SNTB1: variants seen among roughly 807,000 people sequenced by gnomAD.
SNTB1 encodes the protein syntrophin beta 1.
SNTB1 carries 36 observed loss-of-function variants against 48.9 expected under a neutral mutation model. That is an observed-to-expected ratio of 0.74 (90% CI 0.56 to 0.97). The LOEUF (loss-of-function observed/expected upper bound fraction) is 0.97. Among genes scored for constraint, SNTB1 ranks in the 50% least tolerant of loss-of-function variants. SNTB1 has a pLI of 0.00. For synonymous variants in SNTB1, 299 were observed against 294.6 expected, an observed-to-expected ratio of 1.01 and a Z score of -0.15; for missense variants, 786 against 703.4, an observed-to-expected ratio of 1.12 and a Z score of -1.33.
In SNTB1 at chr8:120,811,819, C is replaced by T; in HGVS notation, c.25G>A (p.Ala9Thr). 1 of 1,350,648 alleles carries T rather than the reference C, an allele frequency of 7.4e-7. No individual in the cohort carries two copies. Among genetic ancestry groups the T allele is most frequent in the Non-Finnish European group, 9.5e-7 (1 of 1,054,882 alleles). 83.7% of individuals were successfully genotyped at this position (1,350,648 alleles called of 1,614,324 possible). Residue 9 changes from alanine to threonine, a missense_variant, in exon 1 of 7, where the codon GCG becomes ACG. Coordinates refer to ENST00000517992, the MANE Select transcript of SNTB1 (RefSeq NM_021021.4). ...CCTCCCGCGCCAGCCGGCCCAGCCG[C>T]CGCCGCCGCCGCCGCTACCGCCATC... is the stretch of plus-strand genomic sequence containing the variant. Reference protein sequence around the residue: MAVAAAAAAAGPAGAGGGR... With the variant: MAVAAAAATAGPAGAGGGR...
chr8:120,658,661 TA>T (rs1372644430), intron 2 of SNTB1, among the ~76,000 whole-genome samples: 1 of 152,244 alleles, frequency 6.6e-6, no homozygotes, highest in African/African-American at 2.4e-5. Context: ...TAAAAATTGC[TA>T]ATGATCATCT....
At chr8:120,695,678 T>C (rs1818199709) in intron 1 of SNTB1, among the ~76,000 whole-genome samples, 5 of 152,162 alleles carry the variant, frequency 3.3e-5, no homozygotes, top group African/African-American at 1.2e-4. Context: ...CACAAAAATT[T>C]AATTAGCAGT....
At chr8:120,738,545 T>TTTCCTTTC (rs1818988116) in intron 1 of SNTB1, among the ~76,000 whole-genome samples, 1 of 135,728 alleles carries the variant, frequency 7.4e-6, no homozygotes, top group African/African-American at 3.0e-5. Flanking sequence ...TCCTTCCTTC[T>TTTCCTTTC]TTCCTTCCTT....
chr8:120,565,594 G>C (rs1451294740), intron 4 of SNTB1, among the ~76,000 whole-genome samples: 1 of 152,200 alleles, frequency 6.6e-6, no homozygotes, highest in African/African-American at 2.4e-5. Context: ...TAAGTGAAAA[G>C]GAAGGGCAGC....
chr8:120,757,500 G>A (rs1819336718), intron 1 of SNTB1, among the ~76,000 whole-genome samples: 1 of 152,194 alleles, frequency 6.6e-6, no homozygotes, highest in African/African-American at 2.4e-5. Context: ...CATGACAGCT[G>A]CATTTAAACA....
At chr8:120,562,155 C>A (rs759239638) in intron 4 of SNTB1, among the ~76,000 whole-genome samples, 22 of 152,208 alleles carry the variant, frequency 1.4e-4, no homozygotes, top group Middle Eastern at 3.2e-3. Context: ...TTTCTCTGGT[C>A]TTTAACAATT....
At chr8:120,610,223 G>C (rs1215733327) in intron 3 of SNTB1, among the ~76,000 whole-genome samples, 3 of 152,022 alleles carry the variant, frequency 2.0e-5, no homozygotes, top group African/African-American at 7.3e-5. Context: ...TGCAACCTCT[G>C]CCTCCCTGGT....
intron 3 of SNTB1, among the ~76,000 whole-genome samples, chr8:120,603,500 C>T (rs1816459189): frequency 6.6e-6 from 1 of 152,176 alleles, no homozygotes; most frequent in East Asian, 1.9e-4. Context: ...AAGTGTAATT[C>T]AGAACCAGAA....
At chr8:120,579,077 T>C (rs1051778512) in intron 3 of SNTB1, among the ~76,000 whole-genome samples, 3 of 152,118 alleles carry the variant, frequency 2.0e-5, no homozygotes, top group Non-Finnish European at 2.9e-5. Context: ...CTCAGGAAGC[T>C]GAGCCAGGAG....
At chr8:120,642,469 C>G (rs1032683276) in intron 2 of SNTB1, among the ~76,000 whole-genome samples, 2 of 152,206 alleles carry the variant, frequency 1.3e-5, no homozygotes, top group African/African-American at 4.8e-5. Context: ...AGATTGAAGA[C>G]CACCACAGGC....
chr8:120,539,867 C>A (rs1472990155), intron 6 of SNTB1, among the ~76,000 whole-genome samples: 1 of 152,132 alleles, frequency 6.6e-6, no homozygotes, highest in Non-Finnish European at 1.5e-5. Flanking sequence ...CTTACAGCAT[C>A]CCAATGAAGA....
At chr8:120,721,316 C>T (rs1587114080) in intron 1 of SNTB1, among the ~76,000 whole-genome samples, 1 of 152,154 alleles carries the variant, frequency 6.6e-6, no homozygotes, top group East Asian at 1.9e-4. Flanking sequence ...TTGGGTGCTG[C>T]TACAAGGTTA....
At chr8:120,548,251 G>A (rs563614684) in intron 5 of SNTB1, among the ~76,000 whole-genome samples, 2 of 152,236 alleles carry the variant, frequency 1.3e-5, no homozygotes, top group South Asian at 2.1e-4. Context: ...CATGCTTCCT[G>A]TACAGTCTGC....
At chr8:120,621,149 G>A (rs527401516) in intron 3 of SNTB1, among the ~76,000 whole-genome samples, 112 of 152,134 alleles carry the variant, frequency 7.4e-4, no homozygotes, top group African/African-American at 1.9e-3. Context: ...CAGTAGAGAC[G>A]AGGTTTCACA....
At chr8:120,552,875 A>G (rs1011001768) in intron 4 of SNTB1, among the ~76,000 whole-genome samples, 2 of 152,066 alleles carry the variant, frequency 1.3e-5, no homozygotes, top group African/African-American at 4.8e-5. Flanking sequence ...CGCTTGTTTT[A>G]CTGCAACTAG....
chr8:120,811,314 A>G lies in SNTB1; in HGVS notation c.530T>C (p.Val177Ala). 6.2e-7 allele frequency: 1 copy of G among 1,609,828 alleles called. No individual in the cohort carries two copies. ...CTTGCCCGCGCGCTTCAACGCCTGC[A>G]CCGCCTCGTCGTGGGTGGCGTCCCG... ...DLRDATHDEA[V>A]QALKRAGKEV... The change falls in exon 1 of 7, where the codon GTG becomes GCG. Residue 177 changes from valine to alanine, a missense_variant. Transcript: ENST00000517992.
At chr8:120,796,071 G>C (rs1378471119) in intron 1 of SNTB1, among the ~76,000 whole-genome samples, 1 of 151,952 alleles carries the variant, frequency 6.6e-6, no homozygotes, top group Non-Finnish European at 1.5e-5. Context: ...GATAATGGGG[G>C]TAGATTTCCC....
intron 1 of SNTB1, among the ~76,000 whole-genome samples, chr8:120,754,868 A>G (rs1819287061): frequency 6.6e-6 from 1 of 152,178 alleles, no homozygotes; most frequent in South Asian, 2.1e-4. Context: ...ATCATTTAAT[A>G]CATTATGGAC....
chr8:120,792,146 C>T (rs1015466131), intron 1 of SNTB1, among the ~76,000 whole-genome samples: 1 of 151,452 alleles, frequency 6.6e-6, no homozygotes, highest in East Asian at 1.9e-4. Context: ...TACACCCACA[C>T]ACACCATGGA....
Sources: allele counts gnomAD v4.1 joint callset (sites outside exome capture counted in the v4.1 genomes callset), GRCh38; gene constraint gnomAD v4.1.1; transcripts MANE v1.5; gene names NCBI Gene and HGNC (gene_info 2026-07-23, HGNC 2026-07-21).